Variants in SLC10A7 observed in about 807,000 individuals in gnomAD.
The protein encoded by SLC10A7 is sodium/bile acid cotransporter 7.
In SLC10A7, 29 loss-of-function variants were observed where a neutral mutation model predicts 43.2. That is an observed-to-expected ratio of 0.67 (90% CI 0.50 to 0.92). SLC10A7 has a LOEUF of 0.92. SLC10A7 is among the 40% of genes least tolerant of loss of function. The pLI is 0.00. For synonymous variants in SLC10A7, 152 were observed against 144.8 expected (o/e 1.05, Z -0.35); for missense variants, 295 against 403.2 (o/e 0.73, Z 2.30).
chr4:146,505,190 C>T (rs866746409), intron 3 of SLC10A7, among the ~76,000 whole-genome samples: 2 of 152,164 alleles, frequency 1.3e-5, no homozygotes, highest in Admixed American at 6.5e-5. Context: ...TCTGCTTCTG[C>T]TATGCCTGAG....
At chr4:146,303,817 C>G (rs1405528654) in intron 7 of SLC10A7, among the ~76,000 whole-genome samples, 2 of 152,146 alleles carry the variant, frequency 1.3e-5, no homozygotes, top group Non-Finnish European at 2.9e-5. Flanking sequence ...AAGAAGTTTA[C>G]AGGCATGCAT....
At chr4:146,498,148 C>T (rs1352961986) in intron 4 of SLC10A7, among the ~76,000 whole-genome samples, 1 of 150,358 alleles carries the variant, frequency 6.7e-6, no homozygotes, top group African/African-American at 2.5e-5. Context: ...GACGGAGTCT[C>T]GCTCTGTCGC....
At chr4:146,509,862 T>C in intron 3 of SLC10A7, 51 bp downstream of exon 3, 2 of 1,565,360 alleles carry the variant, frequency 1.3e-6, no homozygotes, top group Non-Finnish European at 1.7e-6. Flanking sequence ...CAATAATGTC[T>C]CTAGAGATGC....
intron 5 of SLC10A7, among the ~76,000 whole-genome samples, chr4:146,394,366 A>G (rs1253753139): frequency 6.6e-6 from 1 of 152,146 alleles, no homozygotes; most frequent in African/African-American, 2.4e-5. Context: ...TGAGCTTGCC[A>G]TGAAAAGATT....
chr4:146,402,101 AGCAT>A (rs1739264963), intron 5 of SLC10A7, among the ~76,000 whole-genome samples: 1 of 152,200 alleles, frequency 6.6e-6, no homozygotes, highest in Non-Finnish European at 1.5e-5. Context: ...ACCAAGATCC[AGCAT>A]GCTAGGTACA....
intron 4 of SLC10A7, among the ~76,000 whole-genome samples, chr4:146,491,389 G>A (rs188622453): frequency 2.0e-5 from 3 of 152,274 alleles, no homozygotes; most frequent in South Asian, 2.1e-4. Context: ...GCTGACTCAA[G>A]AGGAAATATG....
intron 4 of SLC10A7, among the ~76,000 whole-genome samples, chr4:146,452,875 A>G (rs527822280): frequency 1.3e-5 from 2 of 152,012 alleles, no homozygotes; most frequent in Non-Finnish European, 2.9e-5. Context: ...TTTTCTCTCA[A>G]CAAAGAAAGC....
Position 146,301,553 on chromosome 4 carries a change from G to A in SLC10A7, c.555+4373C>T, listed in dbSNP as rs1354221386. Among the ~76,000 whole-genome samples the A allele has an allele frequency of 3.3e-5, 5 of 152,272 alleles. 1 individual carries two copies. The East Asian group carries it at 7.7e-4, about 24-fold the overall frequency. On this transcript the variant is annotated intron_variant, in intron 7 of 11. Transcript: ENST00000335472. Reference sequence around the variant, plus strand: ...CAGTAAAGACATTAGATGGGAATTGGAAGAGACTCACAGCAGAGAGACAGG... The same window carrying A: ...CAGTAAAGACATTAGATGGGAATTGAAAGAGACTCACAGCAGAGAGACAGG...
intron 5 of SLC10A7, among the ~76,000 whole-genome samples, chr4:146,343,985 G>A (rs141201485): frequency 6.6e-6 from 1 of 152,070 alleles, no homozygotes; most frequent in Non-Finnish European, 1.5e-5. Context: ...CATTCCAAAT[G>A]TTTTTAGCTG....
intron 5 of SLC10A7, among the ~76,000 whole-genome samples, chr4:146,356,025 A>G (rs1735580026): frequency 8.8e-6 from 1 of 113,648 alleles, no homozygotes; most frequent in African/African-American, 3.5e-5. Flanking sequence ...TGTACCCTAA[A>G]ACTTAAAGTA....
At chr4:146,376,888 G>C (rs1737240145) in intron 5 of SLC10A7, among the ~76,000 whole-genome samples, 1 of 152,060 alleles carries the variant, frequency 6.6e-6, no homozygotes, top group South Asian at 2.1e-4. Context: ...TGTCTCAATT[G>C]GCTAGCAACT....
intron 5 of SLC10A7, among the ~76,000 whole-genome samples, chr4:146,351,014 G>A (rs1262137025): frequency 2.7e-5 from 4 of 150,704 alleles, no homozygotes; most frequent in Non-Finnish European, 5.9e-5. Flanking sequence ...CACCAGCAAC[G>A]GAACAAAGCT....
At chr4:146,352,169 C>T (rs1009605986) in intron 5 of SLC10A7, among the ~76,000 whole-genome samples, 8 of 110,432 alleles carry the variant, frequency 7.2e-5, no homozygotes, top group African/African-American at 3.0e-4. Flanking sequence ...CACATAGGCT[C>T]AGAATAAAAG....
At chr4:146,441,488 T>C (rs1730598314) in intron 5 of SLC10A7, among the ~76,000 whole-genome samples, 1 of 152,186 alleles carries the variant, frequency 6.6e-6, no homozygotes, top group Non-Finnish European at 1.5e-5. Flanking sequence ...TAAGAAGATG[T>C]TTTGATAGTG....
chr4:146,515,633 G>A (rs1737880377), intron 2 of SLC10A7, among the ~76,000 whole-genome samples: 1 of 152,130 alleles, frequency 6.6e-6, no homozygotes, highest in South Asian at 2.1e-4. Flanking sequence ...AATGAGGCCG[G>A]GTGTGGTGGC....
At chr4:146,330,296 C>T (rs757081164) in intron 5 of SLC10A7, among the ~76,000 whole-genome samples, 3 of 151,984 alleles carry the variant, frequency 2.0e-5, no homozygotes, top group Non-Finnish European at 4.4e-5. Flanking sequence ...AAAAAAAAGG[C>T]AAAACTAAAG....
At chr4:146,276,127 A>G (rs952307113) in intron 10 of SLC10A7, among the ~76,000 whole-genome samples, 2 of 152,236 alleles carry the variant, frequency 1.3e-5, no homozygotes, top group Non-Finnish European at 2.9e-5. Context: ...TCCAGATATC[A>G]ATGAGAACCC....
At chr4:146,333,336 T>C (rs1236964745) in intron 5 of SLC10A7, among the ~76,000 whole-genome samples, 5 of 152,174 alleles carry the variant, frequency 3.3e-5, no homozygotes, top group Non-Finnish European at 5.9e-5. Context: ...CAGACCCTAT[T>C]AGATGATGAG....
chr4:146,381,505 G>T (rs571477318), intron 5 of SLC10A7, among the ~76,000 whole-genome samples: 1 of 152,206 alleles, frequency 6.6e-6, no homozygotes, highest in South Asian at 2.1e-4. Flanking sequence ...CAGGGATAGG[G>T]AGAGATTGCA....
Sources: allele counts gnomAD v4.1 joint callset (sites outside exome capture counted in the v4.1 genomes callset), GRCh38; gene constraint gnomAD v4.1.1; transcripts MANE v1.5; gene names NCBI Gene and HGNC (gene_info 2026-07-23, HGNC 2026-07-21).